CHRM3: variants seen among roughly 807,000 people sequenced by gnomAD.
The protein encoded by CHRM3 is cholinergic receptor muscarinic 3, also known as muscarinic acetylcholine receptor M3.
A neutral mutation model predicts 41.8 loss-of-function variants in CHRM3; 11 were observed. That is an observed-to-expected ratio of 0.26 (90% CI 0.17 to 0.44). The LOEUF (loss-of-function observed/expected upper bound fraction) is 0.44, where lower values mean the gene tolerates loss of function less well. Ranked by LOEUF, CHRM3 falls within the 20% of genes least tolerant of loss-of-function variation. CHRM3 has a pLI of 1.00. For missense variants in CHRM3, 571 were observed against 745.4 expected (o/e 0.77, Z 2.72); for synonymous variants, 297 against 301.4 (o/e 0.99, Z 0.15).
intron 2 of CHRM3, among the ~76,000 whole-genome samples, chr1:239,495,358 T>C (rs1667811851): frequency 2.0e-5 from 3 of 152,210 alleles, no homozygotes; most frequent in Admixed American, 6.5e-5. Flanking sequence ...CAGGCTGGCA[T>C]GTGGACCTCT....
intron 6 of CHRM3, among the ~76,000 whole-genome samples, chr1:239,851,169 C>A (rs112373485): frequency 1.3e-4 from 20 of 152,242 alleles, no homozygotes; most frequent in African/African-American, 4.8e-4. Flanking sequence ...AATTATGCTT[C>A]ATTTTGAAGT....
chr1:239,593,096 A>C (rs920689352), intron 3 of CHRM3, among the ~76,000 whole-genome samples: 4 of 152,072 alleles, frequency 2.6e-5, no homozygotes, highest in African/African-American at 9.7e-5. Context: ...TCCCCAGAGA[A>C]GCTTTGCTGA....
chr1:239,551,144 C>CT (rs1157407521), intron 3 of CHRM3, among the ~76,000 whole-genome samples: 19,801 of 60,408 alleles, frequency 0.33, 6,567 homozygotes, highest in African/African-American at 0.41. Flanking sequence ...TGTTACCATT[C>CT]TTTTTTTTTT....
intron 1 of CHRM3, among the ~76,000 whole-genome samples, chr1:239,435,190 G>T (rs1485763911): frequency 7.0e-6 from 1 of 142,218 alleles, no homozygotes; most frequent in African/African-American, 2.6e-5. Flanking sequence ...GATGGCTCAC[G>T]CCTGTAATCC....
At chr1:239,904,020 C>A (rs1172335564) in intron 6 of CHRM3, among the ~76,000 whole-genome samples, 1 of 152,120 alleles carries the variant, frequency 6.6e-6, no homozygotes, top group Non-Finnish European at 1.5e-5. Flanking sequence ...GTATCATCAG[C>A]ACAAATATGA....
chr1:239,741,572 C>G (rs1301444649), intron 5 of CHRM3, among the ~76,000 whole-genome samples: 1 of 152,102 alleles, frequency 6.6e-6, no homozygotes, highest in Non-Finnish European at 1.5e-5. Context: ...GTCCTAAACC[C>G]CATCAACCCT....
At chr1:239,843,720 C>A (rs960781447) in intron 6 of CHRM3, among the ~76,000 whole-genome samples, 71 of 152,152 alleles carry the variant, frequency 4.7e-4, no homozygotes, top group Admixed American at 3.3e-3. Flanking sequence ...TTCTTCCCCC[C>A]AGAAAGAGGA....
chr1:239,665,725 G>C (rs1344551102), intron 4 of CHRM3, among the ~76,000 whole-genome samples: 1 of 151,984 alleles, frequency 6.6e-6, no homozygotes. Flanking sequence ...CTGTGTCCAC[G>C]TGTTCTCATT....
chr1:239,684,501 C>A (rs1373427138), intron 5 of CHRM3, among the ~76,000 whole-genome samples: 3 of 151,698 alleles, frequency 2.0e-5, no homozygotes, highest in Non-Finnish European at 4.4e-5. Context: ...CGAGACCAGG[C>A]TGGGCAACAT....
chr1:239,452,303 C>A (rs1664609655), intron 1 of CHRM3, among the ~76,000 whole-genome samples: 1 of 152,146 alleles, frequency 6.6e-6, no homozygotes, highest in Non-Finnish European at 1.5e-5. Flanking sequence ...TATTAAGCAA[C>A]TAACAGTTAC....
chr1:239,501,937 G>A (rs749953297), intron 2 of CHRM3, among the ~76,000 whole-genome samples: 6 of 152,094 alleles, frequency 3.9e-5, no homozygotes, highest in Non-Finnish European at 8.8e-5. Context: ...GGTGCTAAGA[G>A]GAAAGTTCAC....
intron 5 of CHRM3, among the ~76,000 whole-genome samples, chr1:239,688,200 T>G (rs558995743): frequency 1.3e-5 from 2 of 149,180 alleles, no homozygotes; most frequent in South Asian, 4.2e-4. Flanking sequence ...CACATACACA[T>G]GTATTATATA....
rs571069759 is a variant in CHRM3 at position 239,763,007 on chromosome 1, C to T, written c.-146-64245C>T. On this transcript the variant is annotated intron_variant, in intron 5 of 6. Coordinates refer to ENST00000676153, the MANE Select transcript of CHRM3 (RefSeq NM_001375978.1). ...AAAATTCTGTGGCATTTTTGAGGTC[C>T]ATTTTTATTTTAAGAGCACCAGAAT... Among the ~76,000 whole-genome samples the T allele has an allele frequency of 4.7e-4, 71 of 152,130 alleles. 1 individual carries two copies. Among genetic ancestry groups the T allele is most frequent in the African/African-American group, 1.5e-3 (61 of 41,508 alleles).
At chr1:239,441,408 A>T (rs1663707097) in intron 1 of CHRM3, among the ~76,000 whole-genome samples, 1 of 152,194 alleles carries the variant, frequency 6.6e-6, no homozygotes, top group South Asian at 2.1e-4. Context: ...TTGTCCCTAT[A>T]AAAGGTCAGA....
intron 1 of CHRM3, among the ~76,000 whole-genome samples, chr1:239,462,834 G>T (rs1211710662): frequency 6.6e-6 from 1 of 152,136 alleles, no homozygotes; most frequent in Non-Finnish European, 1.5e-5. Flanking sequence ...ATTCCATAGT[G>T]GGAAGTACAC....
chr1:239,609,603 T>C (rs2148737264), intron 3 of CHRM3, among the ~76,000 whole-genome samples: 1 of 152,354 alleles, frequency 6.6e-6, no homozygotes, highest in South Asian at 2.1e-4. Context: ...GCATTTTACA[T>C]TTTCAGCAGC....
intron 2 of CHRM3, among the ~76,000 whole-genome samples, chr1:239,506,298 G>A (rs972533587): frequency 6.6e-6 from 1 of 152,160 alleles, no homozygotes; most frequent in Non-Finnish European, 1.5e-5. Context: ...AGACATAGGA[G>A]GAAAAGATGG....
At chr1:239,680,648 C>G (rs1658469519) in intron 5 of CHRM3, among the ~76,000 whole-genome samples, 1 of 152,020 alleles carries the variant, frequency 6.6e-6, no homozygotes, top group Non-Finnish European at 1.5e-5. Context: ...TTGTATGATT[C>G]AGCCAACAAA....
chr1:239,436,147 A>G (rs929893192), intron 1 of CHRM3, among the ~76,000 whole-genome samples: 1 of 152,142 alleles, frequency 6.6e-6, no homozygotes, highest in South Asian at 2.1e-4. Context: ...GGGAGAGGCA[A>G]ACCTTTTAGT....
Sources: allele counts gnomAD v4.1 joint callset (sites outside exome capture counted in the v4.1 genomes callset), GRCh38; gene constraint gnomAD v4.1.1; transcripts MANE v1.5; gene names NCBI Gene and HGNC (gene_info 2026-07-23, HGNC 2026-07-21).